The following SLC8A1 variants were observed in gnomAD, a reference collection of about 807,000 sequenced individuals.
The protein encoded by SLC8A1 is solute carrier family 8 member A1.
SLC8A1 carries 18 observed loss-of-function variants against 68.3 expected under a neutral mutation model. The ratio of observed to expected loss-of-function variants is 0.26; its 90% CI spans 0.18 to 0.39. The LOEUF (loss-of-function observed/expected upper bound fraction) is 0.39, where lower values mean the gene tolerates loss of function less well. SLC8A1 is among the 10% of genes least tolerant of loss of function. The pLI, the probability that SLC8A1 is intolerant of heterozygous loss-of-function variation, is 1.00. For synonymous variants in SLC8A1, 475 were observed against 415.5 expected (o/e 1.14, Z -1.74); for missense variants, 985 against 1,156.7 (o/e 0.85, Z 2.15).
At chr2:40,122,229 TGC>T (rs757797937) in intron 7 of SLC8A1, among the ~76,000 whole-genome samples, 21,226 of 149,756 alleles carry the variant, frequency 0.14, 1,564 homozygotes, top group Admixed American at 0.19. Context: ...CACACACGTG[TGC>T]GCGCGCACAC....
chr2:40,185,672 T>C (rs1316948348), intron 2 of SLC8A1, among the ~76,000 whole-genome samples: 1 of 152,148 alleles, frequency 6.6e-6, no homozygotes, highest in African/African-American at 2.4e-5. Flanking sequence ...CTAAAATTGA[T>C]TGTAGTGATG....
At chr2:40,300,775 C>T (rs1249502860) in intron 2 of SLC8A1, among the ~76,000 whole-genome samples, 4 of 152,122 alleles carry the variant, frequency 2.6e-5, no homozygotes, top group Non-Finnish European at 5.9e-5. Flanking sequence ...AGAAATTAAT[C>T]GAGCTGCAGC....
At chr2:40,170,463 C>A in intron 4 of SLC8A1, 114 bp from the exon 7 acceptor site, 1 of 866,798 alleles carries the variant, frequency 1.2e-6, no homozygotes, top group South Asian at 1.5e-5. Flanking sequence ...TCACAAGCAA[C>A]GTTAGTTTGG....
chr2:40,286,250 T>C (rs552643025), intron 2 of SLC8A1, among the ~76,000 whole-genome samples: 2 of 152,312 alleles, frequency 1.3e-5, no homozygotes, highest in African/African-American at 4.8e-5. Flanking sequence ...GGCTTCACTA[T>C]AGGGATAACC....
At chr2:40,175,554 T>C (rs570673576) in intron 3 of SLC8A1, among the ~76,000 whole-genome samples, 1 of 152,106 alleles carries the variant, frequency 6.6e-6, no homozygotes, top group Non-Finnish European at 1.5e-5. Flanking sequence ...ATAATTTCTT[T>C]ACATTTAATA....
chr2:40,485,997 C>T lies in SLC8A1; in HGVS notation c.-25+26352G>A, dbSNP rs917265517. ...AAATGTCATCTTGAATTGTAGTTCT[C>T]ATAATGGCCGCATGTTGTGGGAAGG... On this transcript the variant is annotated intron_variant, in intron 1 of 7. Transcript: ENST00000402441. 4.6e-5 allele frequency among the ~76,000 whole-genome samples: 7 copies of T among 152,184 alleles called. 1 individual carries two copies. Among genetic ancestry groups the T allele is most frequent in the African/African-American group, 1.7e-4 (7 of 41,448 alleles).
At chr2:40,376,021 T>C (rs1370550169) in intron 2 of SLC8A1, among the ~76,000 whole-genome samples, 3 of 151,916 alleles carry the variant, frequency 2.0e-5, no homozygotes, top group Admixed American at 6.6e-5. Context: ...AATAAATAAA[T>C]AAAAAGTTGT....
chr2:40,233,876 T>C (rs972190187), intron 2 of SLC8A1, among the ~76,000 whole-genome samples: 1 of 151,716 alleles, frequency 6.6e-6, no homozygotes, highest in Admixed American at 6.6e-5. Flanking sequence ...TTGCTTGTTT[T>C]TCTCAGGTTT....
chr2:40,413,808 T>A (rs962789236), intron 2 of SLC8A1, among the ~76,000 whole-genome samples: 2 of 152,180 alleles, frequency 1.3e-5, no homozygotes, highest in Non-Finnish European at 2.9e-5. Context: ...TATTTACTAA[T>A]CCTTGGATAA....
intron 2 of SLC8A1, among the ~76,000 whole-genome samples, chr2:40,317,013 A>G (rs932917708): frequency 6.6e-6 from 1 of 151,948 alleles, no homozygotes; most frequent in Admixed American, 6.6e-5. Flanking sequence ...TACTTTGTTC[A>G]CTCATACGGA....
At chr2:40,130,936 A>G (rs2039197450) in intron 7 of SLC8A1, among the ~76,000 whole-genome samples, 1 of 152,204 alleles carries the variant, frequency 6.6e-6, no homozygotes, top group Non-Finnish European at 1.5e-5. Flanking sequence ...ATAGGCTGAA[A>G]ATTTACTTAG....
chr2:40,442,720 GAA>G (rs1700733639), intron 1 of SLC8A1, among the ~76,000 whole-genome samples: 1 of 152,144 alleles, frequency 6.6e-6, no homozygotes, highest in Non-Finnish European at 1.5e-5. Flanking sequence ...TCCAGAACCA[GAA>G]ATACCATTTG....
At chr2:40,272,692 G>A (rs1233158141) in intron 2 of SLC8A1, among the ~76,000 whole-genome samples, 1 of 152,162 alleles carries the variant, frequency 6.6e-6, no homozygotes, top group African/African-American at 2.4e-5. Flanking sequence ...AGTGCATCAG[G>A]CAATGCCCTT....
At chr2:40,457,182 C>T (rs759363470) in intron 1 of SLC8A1, among the ~76,000 whole-genome samples, 5 of 152,130 alleles carry the variant, frequency 3.3e-5, no homozygotes, top group South Asian at 2.1e-4. Flanking sequence ...TTCTGTAGGG[C>T]GTAAACTTCT....
At position 40,442,932 on chromosome 2, in the gene SLC8A1, G is replaced by C. The variant is rs553439134; in HGVS notation, c.-25+8972C>G. ...TGGAATACTATGCAGCCATAACAAG[G>C]AGTGAGATCATGTCCTCTGCAGGGA... On this transcript the variant is annotated intron_variant, in intron 1 of 7. Transcript: ENST00000406785. Among the ~76,000 whole-genome samples the C allele has an allele frequency of 1.5e-3, 221 of 152,276 alleles. 2 individuals carry two copies. The highest frequency in any genetic ancestry group is 5.0e-3 in the African/African-American group (207 of 41,556).
At chr2:40,400,170 G>C (rs957256867) in intron 2 of SLC8A1, among the ~76,000 whole-genome samples, 4 of 152,280 alleles carry the variant, frequency 2.6e-5, no homozygotes, top group African/African-American at 7.2e-5. Flanking sequence ...CTCGGCTCTT[G>C]AGACAGGAGT....
At chr2:40,403,548 A>G (rs1689400964) in intron 2 of SLC8A1, among the ~76,000 whole-genome samples, 1 of 152,222 alleles carries the variant, frequency 6.6e-6, no homozygotes, top group South Asian at 2.1e-4. Flanking sequence ...AATTCAGTAG[A>G]ACCCTATAAT....
intron 2 of SLC8A1, among the ~76,000 whole-genome samples, chr2:40,417,816 A>C (rs1559598335): frequency 6.6e-6 from 1 of 151,940 alleles, no homozygotes. Flanking sequence ...TTTAGGAAGC[A>C]ATATGTTTAA....
chr2:40,374,556 A>C (rs1679193731), intron 2 of SLC8A1, among the ~76,000 whole-genome samples: 1 of 152,066 alleles, frequency 6.6e-6, no homozygotes, highest in African/African-American at 2.4e-5. Context: ...CCTGCCCCTG[A>C]ATAGGCCTGT....
Sources: allele counts gnomAD v4.1 joint callset (sites outside exome capture counted in the v4.1 genomes callset), GRCh38; gene constraint gnomAD v4.1.1; transcripts MANE v1.5; gene names NCBI Gene and HGNC (gene_info 2026-07-23, HGNC 2026-07-21).